EFCAB11: variants seen among roughly 807,000 people sequenced by gnomAD.
The protein encoded by EFCAB11 is EF-hand calcium-binding domain-containing protein 11.
A neutral mutation model predicts 23.0 loss-of-function variants in EFCAB11; 14 were observed. The ratio of observed to expected loss-of-function variants is 0.61; its 90% CI spans 0.40 to 0.95. The LOEUF is 0.95. EFCAB11 is among the 40% of genes least tolerant of loss of function. The pLI, the probability that EFCAB11 is intolerant of heterozygous loss-of-function variation, is 0.00. For synonymous variants in EFCAB11, 65 were observed against 66.6 expected (o/e 0.98, Z 0.11); for missense variants, 198 against 195.8 (o/e 1.01, Z -0.07).
At chr14:89,832,143 T>C (rs532175902) in intron 5 of EFCAB11, among the ~76,000 whole-genome samples, 1 of 152,216 alleles carries the variant, frequency 6.6e-6, no homozygotes, top group South Asian at 2.1e-4. Flanking sequence ...TGAAACCCCA[T>C]CTCTACTAAA....
intron 5 of EFCAB11, among the ~76,000 whole-genome samples, chr14:89,927,599 ATTGT>A (rs1234227967): frequency 6.6e-6 from 1 of 152,202 alleles, no homozygotes; most frequent in Admixed American, 6.5e-5. Flanking sequence ...ATTATTGAAA[ATTGT>A]TTGCATGACT....
At position 89,893,786 on chromosome 14, in the gene EFCAB11, A is replaced by AAAC. The variant is rs201777627; in HGVS notation, c.410+37754_410+37755insGTT. 0.016 allele frequency among the ~76,000 whole-genome samples: 2,366 copies of AAAC among 151,270 alleles called. 118 individuals are homozygous for AAAC. In the East Asian group the frequency reaches 0.19, roughly 12 times the overall value. ...TCTGCACACTCGTCTCCAAAAAAAA[A>AAAC]AAACAAACAAACAAAAAAAAAGATA... On this transcript the variant is annotated intron_variant, in intron 5 of 5. Transcript: ENST00000316738.
intron 5 of EFCAB11, among the ~76,000 whole-genome samples, chr14:89,847,740 A>C (rs1887476199): frequency 1.6e-5 from 1 of 61,448 alleles, no homozygotes; most frequent in Non-Finnish European, 3.5e-5. Context: ...ACTCTGTCTC[A>C]CAAAAAAAAA....
chr14:89,857,679 C>T (rs1846514183), intron 5 of EFCAB11, among the ~76,000 whole-genome samples: 1 of 152,190 alleles, frequency 6.6e-6, no homozygotes, highest in African/African-American at 2.4e-5. Context: ...AATTGGCCCT[C>T]ACCAGTTCAT....
At chr14:89,944,837 A>G (rs1383793044) in intron 3 of EFCAB11, among the ~76,000 whole-genome samples, 1 of 151,140 alleles carries the variant, frequency 6.6e-6, no homozygotes, top group Non-Finnish European at 1.5e-5. Context: ...CATAAAGTGT[A>G]TTAGATTTTA....
At chr14:89,934,042 G>C (rs898012997) in intron 3 of EFCAB11, among the ~76,000 whole-genome samples, 2 of 152,218 alleles carry the variant, frequency 1.3e-5, no homozygotes, top group South Asian at 4.1e-4. Flanking sequence ...GTGAGCCAGA[G>C]AGAAGTGATA....
In EFCAB11 at chr14:89,794,968, CTTTTTTTTTTTTTTTTT is replaced by C. The variant is rs375782284; in HGVS notation, c.*2258_*2274del. The C allele has an allele frequency of 5.9e-5, 4 of 67,246 alleles. No individual in the cohort carries two copies. Among genetic ancestry groups the C allele is most frequent in the East Asian group, 1.2e-3 (2 of 1,708 alleles). The allele number at this position is 67,246 out of a possible 1,614,324, so 4.2% of individuals were successfully genotyped here. On this transcript the variant is annotated 3_prime_UTR_variant, in exon 6 of 6. Transcript: ENST00000316738. ...TGCTTGATTTGTTTCTACTTAATGT[CTTTTTTTTTTTTTTTTT>C]TTTTTTTTTTGAGAGGGAGTCTCGC... is the stretch of plus-strand genomic sequence containing the variant.
At chr14:89,924,760 A>G in intron 5 of EFCAB11, 9 of 1,459,270 alleles carry the variant, frequency 6.2e-6, no homozygotes, top group Non-Finnish European at 8.3e-6. Flanking sequence ...GCAAAGCCAC[A>G]TGTGGCTATG....
chr14:89,843,581 C>G (rs1887339272), intron 5 of EFCAB11, among the ~76,000 whole-genome samples: 1 of 152,192 alleles, frequency 6.6e-6, no homozygotes, highest in Non-Finnish European at 1.5e-5. Flanking sequence ...TTGTGCTACA[C>G]TGTAACTCAG....
At chr14:89,815,253 C>A (rs571512941) in intron 5 of EFCAB11, among the ~76,000 whole-genome samples, 1 of 152,202 alleles carries the variant, frequency 6.6e-6, no homozygotes, top group South Asian at 2.1e-4. Flanking sequence ...AAAAACTTTT[C>A]AAAATATTAG....
intron 5 of EFCAB11, among the ~76,000 whole-genome samples, chr14:89,899,302 G>C (rs1334832805): frequency 6.6e-6 from 1 of 152,120 alleles, no homozygotes; most frequent in African/African-American, 2.4e-5. Context: ...TATTCAAACT[G>C]GCTAATATAG....
rs36007256 is a variant in EFCAB11, at chr14:89,827,628, C to CTTTTTTT, written c.411-30311_411-30305dup. Among the ~76,000 whole-genome samples the CTTTTTTT allele has an allele frequency of 4.8e-5, 5 of 105,122 alleles. No individual in the cohort carries two copies. In the East Asian group the frequency reaches 1.0e-3, roughly 22 times the overall value. 69.0% of individuals were successfully genotyped at this position (105,122 alleles called of 152,430 possible). On this transcript the variant is annotated intron_variant, in intron 5 of 5. Coordinates refer to ENST00000316738, the MANE Select transcript of EFCAB11 (RefSeq NM_145231.4). Reference sequence around the variant, plus strand: ...GTTTCATGAAGCAATTTTATTCACTCTTTTTTTTTTTTTTTTTTTTTTGAG... The same window carrying CTTTTTTT: ...GTTTCATGAAGCAATTTTATTCACTCTTTTTTTTTTTTTTTTTTTTTTTTTTTTTGAG...
At chr14:89,949,002 A>T (rs1286285059) in intron 3 of EFCAB11, among the ~76,000 whole-genome samples, 1 of 152,218 alleles carries the variant, frequency 6.6e-6, no homozygotes, top group African/African-American at 2.4e-5. Flanking sequence ...TCTTGGTAAC[A>T]TGAAAGATAA....
chr14:89,797,117 C>T lies in EFCAB11; in HGVS notation c.*126G>A, dbSNP rs774319574. ...TATACATATGCACCTACTATGTACCCACAAAAATTAAAAATTTTTAAATGT... is the reference window on the plus strand; with the variant it reads ...TATACATATGCACCTACTATGTACCTACAAAAATTAAAAATTTTTAAATGT... On this transcript the variant is annotated 3_prime_UTR_variant, in exon 6 of 6. Coordinates refer to ENST00000316738, the MANE Select transcript of EFCAB11 (RefSeq NM_145231.4). The T allele has an allele frequency of 3.0e-5, 24 of 795,956 alleles. No individual in the cohort carries two copies. The highest frequency in any genetic ancestry group is 4.0e-5 in the Non-Finnish European group (21 of 519,578). The allele number at this position is 795,956 out of a possible 1,614,324, so 49.3% of individuals were successfully genotyped here.
intron 5 of EFCAB11, among the ~76,000 whole-genome samples, chr14:89,903,581 G>C (rs528231899): frequency 1.3e-5 from 2 of 151,104 alleles, no homozygotes; most frequent in East Asian, 2.0e-4. Flanking sequence ...GAAGGGGGGG[G>C]GCAATTCTGG....
chr14:89,868,361 G>A lies in EFCAB11; in HGVS notation c.410+63180C>T, dbSNP rs547557750. 4.0e-4 allele frequency among the ~76,000 whole-genome samples: 61 copies of A among 152,298 alleles called. 2 individuals are homozygous for A. The South Asian group carries it at 0.011, about 26-fold the overall frequency. ...TTATGTATATTTAAACCACTATTAC[G>A]TACAGGACTATGTGGTCCTCAGAAA... is the stretch of plus-strand genomic sequence containing the variant. On this transcript the variant is annotated intron_variant, in intron 5 of 5. Coordinates refer to ENST00000316738, the MANE Select transcript of EFCAB11 (RefSeq NM_145231.4).
chr14:89,920,111 G>A (rs1408679130), intron 5 of EFCAB11, among the ~76,000 whole-genome samples: 1 of 152,204 alleles, frequency 6.6e-6, no homozygotes, highest in African/African-American at 2.4e-5. Flanking sequence ...CTTTGGTCTT[G>A]TGATATAATT....
chr14:89,861,743 G>A (rs1322616916), intron 5 of EFCAB11, among the ~76,000 whole-genome samples: 1 of 152,160 alleles, frequency 6.6e-6, no homozygotes, highest in Non-Finnish European at 1.5e-5. Flanking sequence ...AAAAGAGGAA[G>A]AGAGACCTGA....
intron 5 of EFCAB11, among the ~76,000 whole-genome samples, chr14:89,889,671 T>C (rs1171218621): frequency 6.6e-6 from 1 of 152,276 alleles, no homozygotes; most frequent in African/African-American, 2.4e-5. Flanking sequence ...CACTGAATAC[T>C]TGCTTTCCTT....
Sources: gnomAD v4.1 joint callset for allele counts (sites outside exome capture counted in the v4.1 genomes callset) on GRCh38, gnomAD v4.1.1 for gene constraint, MANE v1.5 for transcripts, NCBI Gene and HGNC (gene_info 2026-07-23, HGNC 2026-07-21) for gene names.